Variants in CACNB2 observed in about 807,000 individuals in gnomAD.
CACNB2 encodes the protein calcium voltage-gated channel auxiliary subunit beta 2.
In CACNB2, 42 loss-of-function variants were observed where a neutral mutation model predicts 73.3. The observed-to-expected ratio is 0.57, with a 90% confidence interval of 0.45 to 0.74. The LOEUF (loss-of-function observed/expected upper bound fraction) is 0.74, where lower values mean the gene tolerates loss of function less well. Ranked by LOEUF, CACNB2 falls within the 30% of genes least tolerant of loss-of-function variation. The probability of loss-of-function intolerance (pLI) is 0.00; values close to 1 mark genes in which losing one functional copy is unlikely to be tolerated. For synonymous variants in CACNB2, 348 were observed against 310.3 expected (o/e 1.12, Z -1.28); for missense variants, 940 against 853.0 (o/e 1.10, Z -1.27).
At chr10:18,187,214 G>A (rs1441961566) in intron 2 of CACNB2, among the ~76,000 whole-genome samples, 1 of 152,100 alleles carries the variant, frequency 6.6e-6, no homozygotes, top group African/African-American at 2.4e-5. Flanking sequence ...GCAGGAGTGG[G>A]GTTAACTGAG....
intron 2 of CACNB2, chr10:18,151,238 A>T: frequency 2.7e-6 from 1 of 371,310 alleles, no homozygotes; most frequent in Non-Finnish European, 4.7e-6. Flanking sequence ...CAGTGAGAGA[A>T]CTCCAGCAGA....
chr10:18,534,601 C>G (rs1357543282), intron 11 of CACNB2, among the ~76,000 whole-genome samples: 1 of 152,302 alleles, frequency 6.6e-6, no homozygotes, highest in African/African-American at 2.4e-5. Flanking sequence ...TATCAAAGTA[C>G]CAGCAGTTAC....
At chr10:18,149,172 T>C (rs2031284678) in intron 1 of CACNB2, among the ~76,000 whole-genome samples, 1 of 152,160 alleles carries the variant, frequency 6.6e-6, no homozygotes, top group South Asian at 2.1e-4. Flanking sequence ...TGCACATAGG[T>C]TAATATAAAT....
At chr10:18,178,715 T>C (rs1233014285) in intron 2 of CACNB2, among the ~76,000 whole-genome samples, 4 of 152,178 alleles carry the variant, frequency 2.6e-5, no homozygotes, top group Non-Finnish European at 5.9e-5. Flanking sequence ...CGGTGAAATA[T>C]GAATCAGTGT....
At chr10:18,283,215 G>A (rs189114490) in intron 2 of CACNB2, among the ~76,000 whole-genome samples, 46 of 152,328 alleles carry the variant, frequency 3.0e-4, no homozygotes, top group Admixed American at 2.7e-3. Flanking sequence ...CTTTTACACT[G>A]TTGATGGGAG....
At chr10:18,380,978 C>A (rs2042992157) in intron 2 of CACNB2, among the ~76,000 whole-genome samples, 1 of 151,870 alleles carries the variant, frequency 6.6e-6, no homozygotes, top group African/African-American at 2.4e-5. Flanking sequence ...ATCTGTAATG[C>A]CCTTCCTCTG....
intron 2 of CACNB2, among the ~76,000 whole-genome samples, chr10:18,310,704 C>A (rs2039931956): frequency 6.6e-6 from 1 of 150,906 alleles, no homozygotes; most frequent in South Asian, 2.1e-4. Context: ...CTCAGCCTCC[C>A]TAGTAGCTGG....
intron 2 of CACNB2, among the ~76,000 whole-genome samples, chr10:18,286,517 C>CAA (rs770589594): frequency 0.026 from 1,514 of 57,368 alleles, 120 homozygotes; most frequent in East Asian, 0.073. Context: ...GATTCTGTCT[C>CAA]AAAAAAAAAA....
chr10:18,447,519 C>T (rs893302514), intron 3 of CACNB2, among the ~76,000 whole-genome samples: 13 of 152,144 alleles, frequency 8.5e-5, no homozygotes, highest in African/African-American at 2.2e-4. Context: ...AAGGAGAATT[C>T]GGATCTTGCA....
At chr10:18,453,170 C>G (rs1433029177) in intron 3 of CACNB2, among the ~76,000 whole-genome samples, 1 of 152,158 alleles carries the variant, frequency 6.6e-6, no homozygotes, top group Admixed American at 6.5e-5. Flanking sequence ...CTCCTCCTCT[C>G]TCTCTTGCTT....
Position 18,145,375 on chromosome 10 carries a change from C to A in CACNB2, c.120+4519C>A, listed in dbSNP as rs538425552. On this transcript the variant is annotated intron_variant, in intron 1 of 13. Coordinates refer to ENST00000324631, the MANE Select transcript of CACNB2 (RefSeq NM_201596.3). ...CCTGTGCTTTATGTTTTGCTGAAAT[C>A]TTCACTCTTAACCACCATCACTTTC... 2.0e-5 allele frequency among the ~76,000 whole-genome samples: 3 copies of A among 152,032 alleles called. No homozygotes were observed. In the South Asian group the frequency reaches 6.3e-4, roughly 32 times the overall value.
intron 2 of CACNB2, among the ~76,000 whole-genome samples, chr10:18,368,045 T>C (rs574781290): frequency 2.2e-4 from 33 of 152,242 alleles, no homozygotes; most frequent in African/African-American, 7.2e-4. Flanking sequence ...TTATTTCACT[T>C]TTTGTCATAT....
chr10:18,266,798 G>A (rs1278807486), intron 2 of CACNB2, among the ~76,000 whole-genome samples: 1 of 152,204 alleles, frequency 6.6e-6, no homozygotes, highest in Non-Finnish European at 1.5e-5. Flanking sequence ...GCTGAGGCGG[G>A]AGAATCACTG....
chr10:18,493,727 C>T (rs1406359808), intron 3 of CACNB2, among the ~76,000 whole-genome samples: 1 of 152,102 alleles, frequency 6.6e-6, no homozygotes, highest in African/African-American at 2.4e-5. Flanking sequence ...AATCCAGGTC[C>T]ACTTAAAATC....
chr10:18,364,758 C>T (rs1312831784), intron 2 of CACNB2, among the ~76,000 whole-genome samples: 3 of 152,284 alleles, frequency 2.0e-5, no homozygotes, highest in East Asian at 1.9e-4. Flanking sequence ...CCTCTCCTTG[C>T]TTTAGATATC....
At chr10:18,166,879 A>G (rs551128434) in intron 2 of CACNB2, among the ~76,000 whole-genome samples, 14 of 152,328 alleles carry the variant, frequency 9.2e-5, no homozygotes, top group African/African-American at 3.1e-4. Context: ...GTGTACCCTA[A>G]AACTTAAAGT....
At chr10:18,432,831 TAAAAAAAC>T (rs1458990290) in intron 3 of CACNB2, among the ~76,000 whole-genome samples, 5 of 113,170 alleles carry the variant, frequency 4.4e-5, no homozygotes, top group African/African-American at 8.5e-5. Context: ...CAGCCCTGTC[TAAAAAAAC>T]AAACAAACAA....
At chr10:18,408,776 TA>T (rs2044441912) in intron 3 of CACNB2, among the ~76,000 whole-genome samples, 1 of 152,182 alleles carries the variant, frequency 6.6e-6, no homozygotes, top group African/African-American at 2.4e-5. Flanking sequence ...AAAGGTTCTT[TA>T]GGGATGAGAT....
At position 18,372,493 on chromosome 10, in the gene CACNB2, G is replaced by A. The variant is rs186804495; in HGVS notation, c.214-29431G>A. Among the ~76,000 whole-genome samples, 744 of 152,124 alleles carry A rather than the reference G, an allele frequency of 4.9e-3. 9 individuals are homozygous for A. The highest frequency in any genetic ancestry group is 0.016 in the African/African-American group (683 of 41,514). ...AGTATCTCGGCTCACTGCAACCTCT[G>A]CCTCCCAGGTTCAAGTGATTCTCCT... On this transcript the variant is annotated intron_variant, in intron 2 of 13. Transcript: ENST00000324631.
Sources: allele counts gnomAD v4.1 joint callset (sites outside exome capture counted in the v4.1 genomes callset), GRCh38; gene constraint gnomAD v4.1.1; transcripts MANE v1.5; gene names NCBI Gene and HGNC (gene_info 2026-07-23, HGNC 2026-07-21).